SGK1: variants seen among roughly 807,000 people sequenced by gnomAD.
SGK1 encodes the protein serine/threonine-protein kinase Sgk1.
SGK1 carries 26 observed loss-of-function variants against 64.2 expected under a neutral mutation model. That is an observed-to-expected ratio of 0.40 (90% CI 0.30 to 0.56). SGK1 has a LOEUF of 0.56. Among genes scored for constraint, SGK1 ranks in the 20% least tolerant of loss-of-function variants. The probability of loss-of-function intolerance (pLI) is 0.38; values close to 1 mark genes in which losing one functional copy is unlikely to be tolerated. For synonymous variants in SGK1, 265 were observed against 239.7 expected (o/e 1.11, Z -0.98); for missense variants, 519 against 645.6 (o/e 0.80, Z 2.12).
chr6:134,266,047 G>A (rs1313898514), intron 1 of SGK1, among the ~76,000 whole-genome samples: 3 of 151,904 alleles, frequency 2.0e-5, no homozygotes, highest in East Asian at 2.0e-4. Flanking sequence ...GCAGTGGCGC[G>A]ATCTCAGCTC....
At chr6:134,175,535 G>T in intron 3 of SGK1, 1 of 1,476,188 alleles carries the variant, frequency 6.8e-7, no homozygotes, top group Non-Finnish European at 9.1e-7. Flanking sequence ...GGCCGGCGGC[G>T]GCGCTTACCC....
rs1344795565 is a variant in SGK1 at position 134,317,815 on chromosome 6, C to T, written c.-355G>A. The T allele has an allele frequency of 4.5e-6, 1 of 224,076 alleles. No homozygotes were observed. Among genetic ancestry groups the T allele is most frequent in the Admixed American group, 5.6e-5 (1 of 17,752 alleles). 13.9% of individuals were successfully genotyped at this position (224,076 alleles called of 1,614,324 possible). A position where few individuals can be genotyped will look rare whatever the true frequency, so the allele number is the denominator to read the frequency against. ...GGTACGCCTCCCCGCCCCCAGCTAC[C>T]TGGCTGCTCTTCCGCGGCCGGCGCG... On this transcript the variant is annotated 5_prime_UTR_variant, in exon 1 of 14. Coordinates refer to ENST00000367858, the MANE Select transcript of SGK1 (RefSeq NM_001143676.3).
rs139916909 is a variant in SGK1, at chr6:134,236,027, A to G, written c.285+25906T>C. Among the ~76,000 whole-genome samples, 135 of 152,258 alleles carry G rather than the reference A, an allele frequency of 8.9e-4. 2 individuals are homozygous for G. In the East Asian group the frequency reaches 0.023, roughly 26 times the overall value. ...CCCTGATTTTGAGGCCACATGCTCC[A>G]TCCTCACAGGTGGGTGAGGTCCCTT... On this transcript the variant is annotated intron_variant, in intron 2 of 13. Transcript: ENST00000367858.
intron 1 of SGK1, among the ~76,000 whole-genome samples, chr6:134,285,853 T>C (rs988698238): frequency 1.3e-5 from 2 of 152,126 alleles, no homozygotes; most frequent in African/African-American, 4.8e-5. Flanking sequence ...AGATAAAATT[T>C]GCTGGGAAAC....
chr6:134,184,147 G>A (rs1775382203), intron 3 of SGK1, among the ~76,000 whole-genome samples: 1 of 152,024 alleles, frequency 6.6e-6, no homozygotes, highest in Non-Finnish European at 1.5e-5. Context: ...CACCTGGAAT[G>A]CTTTCCTCCT....
At chr6:134,249,270 C>T (rs1776570972) in intron 2 of SGK1, among the ~76,000 whole-genome samples, 1 of 152,170 alleles carries the variant, frequency 6.6e-6, no homozygotes, top group Non-Finnish European at 1.5e-5. Context: ...GAAACAGATC[C>T]TCATCTCCTG....
Position 134,173,251 on chromosome 6 carries a change from G to A in SGK1, c.702+23C>T, listed in dbSNP as rs1490739090. 3.1e-6 allele frequency: 5 copies of A among 1,609,190 alleles called. No homozygotes were observed. In the Admixed American group the frequency reaches 6.7e-5, roughly 21 times the overall value. ...CAAGGAGTGTCTACCGCCAATGCCA[G>A]CCCCATCAAGCACATCTCATACCTC... is the stretch of plus-strand genomic sequence containing the variant. On this transcript the variant is annotated intron_variant, in intron 7 of 13. Transcript: ENST00000367858.
chr6:134,296,761 G>C (rs1777353708), intron 1 of SGK1, among the ~76,000 whole-genome samples: 1 of 143,732 alleles, frequency 7.0e-6, no homozygotes, highest in Non-Finnish European at 1.5e-5. Context: ...AGCTAGCTGA[G>C]GTTTTATTTT....
At chr6:134,289,094 G>C (rs1214985913) in intron 1 of SGK1, among the ~76,000 whole-genome samples, 2 of 152,174 alleles carry the variant, frequency 1.3e-5, no homozygotes, top group Admixed American at 6.5e-5. Context: ...TTTGGAAATA[G>C]AGAAACCTGT....
chr6:134,248,807 T>C (rs1429491001), intron 2 of SGK1, among the ~76,000 whole-genome samples: 3 of 152,160 alleles, frequency 2.0e-5, no homozygotes, highest in Non-Finnish European at 4.4e-5. Flanking sequence ...TTAAATGAAC[T>C]ACAAAATGAA....
At chr6:134,232,578 C>T (rs1016295058) in intron 2 of SGK1, among the ~76,000 whole-genome samples, 4 of 151,758 alleles carry the variant, frequency 2.6e-5, no homozygotes, top group East Asian at 1.9e-4. Flanking sequence ...AGGCTGGGTG[C>T]GGTGGCTGAC....
At chr6:134,222,044 A>T (rs1776098334) in intron 2 of SGK1, among the ~76,000 whole-genome samples, 1 of 152,190 alleles carries the variant, frequency 6.6e-6, no homozygotes, top group Non-Finnish European at 1.5e-5. Context: ...ATTAAAGGAG[A>T]TAATTATTCT....
At position 134,174,769 on chromosome 6, in the gene SGK1, AGT is replaced by A. The variant is rs1370792955; in HGVS notation, c.362-185_362-184del. ...CCACCATGCCCCTCATCCTGGAGTAAGTGAGGGTGCCCTTAGCAGCCTCAGTT... is the reference window on the plus strand; with the variant it reads ...CCACCATGCCCCTCATCCTGGAGTAAGAGGGTGCCCTTAGCAGCCTCAGTT... On this transcript the variant is annotated intron_variant, in intron 3 of 13. Transcript: ENST00000367858. The A allele has an allele frequency of 1.9e-6, 3 of 1,614,178 alleles. No individual in the cohort carries two copies. In the South Asian group the frequency reaches 3.3e-5, roughly 18 times the overall value.
intron 1 of SGK1, among the ~76,000 whole-genome samples, chr6:134,288,567 T>C (rs545920450): frequency 6.6e-6 from 1 of 152,224 alleles, no homozygotes; most frequent in African/African-American, 2.4e-5. Context: ...TCCTCAGAGG[T>C]CTCTGAACAA....
intron 2 of SGK1, among the ~76,000 whole-genome samples, chr6:134,235,439 A>C (rs974635798): frequency 1.3e-5 from 2 of 152,096 alleles, no homozygotes; most frequent in African/African-American, 4.8e-5. Flanking sequence ...GTAACTTCAA[A>C]CCCTGTTTAG....
rs777621512 is a variant in SGK1, at chr6:134,207,390, G to C, written c.327C>G (p.Pro109=). 1.1e-5 allele frequency: 17 copies of C among 1,612,308 alleles called. No individual in the cohort carries two copies. The highest frequency in any genetic ancestry group is 1.3e-5 in the Non-Finnish European group (15 of 1,178,536). The change falls in exon 3 of 14, where the codon CCC becomes CCG. Residue 109 remains proline (P), a synonymous_variant. Transcript: ENST00000367858. ...PCNHANILTK[P]DPRTFWTNDD... ...CATTAGTCCAGAAGGTTCTTGGATC[G>C]GGCTTGGTCAGGATGTTGGCATGAT...
At chr6:134,207,673 T>G (rs902424039) in intron 2 of SGK1, among the ~76,000 whole-genome samples, 2 of 152,152 alleles carry the variant, frequency 1.3e-5, no homozygotes, top group Admixed American at 6.6e-5. Context: ...ATGAAGCAGT[T>G]TCACTGGGCT....
chr6:134,265,505 C>T (rs1048042368), intron 1 of SGK1, among the ~76,000 whole-genome samples: 2 of 146,744 alleles, frequency 1.4e-5, no homozygotes, highest in Admixed American at 6.9e-5. Context: ...TATATATACA[C>T]ATATATATTT....
At chr6:134,301,871 A>AT (rs1371066221) in intron 1 of SGK1, among the ~76,000 whole-genome samples, 1 of 152,188 alleles carries the variant, frequency 6.6e-6, no homozygotes, top group Non-Finnish European at 1.5e-5. Context: ...CACTGGGATT[A>AT]TTGGCATGAG....
Sources: gnomAD v4.1 joint callset for allele counts (sites outside exome capture counted in the v4.1 genomes callset) on GRCh38, gnomAD v4.1.1 for gene constraint, MANE v1.5 for transcripts, NCBI Gene and HGNC (gene_info 2026-07-23, HGNC 2026-07-21) for gene names.